Variants in CTNND2 observed in about 807,000 individuals in gnomAD.
CTNND2 encodes catenin delta 2.
Under a neutral mutation model 144.4 loss-of-function variants are expected in CTNND2, and 22 were observed. The observed-to-expected ratio is 0.15, with a 90% CI of 0.11 to 0.22. CTNND2 has a LOEUF of 0.22. CTNND2 is among the 10% of genes least tolerant of loss of function. The pLI, the probability that CTNND2 is intolerant of heterozygous loss-of-function variation, is 1.00. For missense variants in CTNND2, 1,353 were observed against 1,618.8 expected (o/e 0.84, Z 2.82); for synonymous variants, 751 against 695.6 (o/e 1.08, Z -1.25).
chr5:11,350,656 T>C (rs1755233963), intron 8 of CTNND2, among the ~76,000 whole-genome samples: 1 of 152,122 alleles, frequency 6.6e-6, no homozygotes, highest in Non-Finnish European at 1.5e-5. Context: ...GGTGCTGTTA[T>C]AGTAAAATAA....
chr5:11,655,483 G>A (rs780584934), intron 2 of CTNND2, among the ~76,000 whole-genome samples: 16 of 151,946 alleles, frequency 1.1e-4, no homozygotes, highest in South Asian at 4.1e-4. Flanking sequence ...ATTGGCATTC[G>A]TAAAGTAAAA....
intron 3 of CTNND2, among the ~76,000 whole-genome samples, chr5:11,559,746 T>G (rs543991780): frequency 5.6e-4 from 85 of 152,314 alleles, no homozygotes; most frequent in African/African-American, 2.0e-3. Flanking sequence ...ATCTTTCTCC[T>G]TCAGTGGGGG....
intron 3 of CTNND2, among the ~76,000 whole-genome samples, chr5:11,479,799 C>T (rs1581289538): frequency 6.6e-6 from 1 of 150,914 alleles, no homozygotes; most frequent in South Asian, 2.1e-4. Flanking sequence ...GTATGTATGT[C>T]TTCTTTTGAA....
intron 9 of CTNND2, among the ~76,000 whole-genome samples, chr5:11,320,794 A>G (rs1440600721): frequency 6.6e-6 from 1 of 152,208 alleles, no homozygotes; most frequent in Admixed American, 6.5e-5. Context: ...TATGTGAGCT[A>G]TAAGATGAGA....
At chr5:11,021,834 A>C (rs778257176) in intron 17 of CTNND2, among the ~76,000 whole-genome samples, 21 of 152,112 alleles carry the variant, frequency 1.4e-4, no homozygotes, top group Admixed American at 5.2e-4. Flanking sequence ...GTGGCTTGGC[A>C]GGGAATGAAA....
intron 2 of CTNND2, among the ~76,000 whole-genome samples, chr5:11,595,341 A>G (rs1400764641): frequency 1.3e-5 from 2 of 152,230 alleles, no homozygotes; most frequent in South Asian, 2.1e-4. Flanking sequence ...AGACAGACTC[A>G]AAAATAGAAC....
intron 18 of CTNND2, among the ~76,000 whole-genome samples, chr5:11,016,898 G>A (rs1561176033): frequency 6.6e-6 from 1 of 151,932 alleles, no homozygotes; most frequent in Non-Finnish European, 1.5e-5. Flanking sequence ...AGCCTCCTGA[G>A]TAGCTGGGAT....
chr5:11,710,463 C>T (rs966663260), intron 2 of CTNND2, among the ~76,000 whole-genome samples: 1 of 151,534 alleles, frequency 6.6e-6, no homozygotes, highest in African/African-American at 2.4e-5. Flanking sequence ...TTGCTTGAAA[C>T]CAGGAGGTGG....
intron 1 of CTNND2, among the ~76,000 whole-genome samples, chr5:11,758,934 T>C (rs1274105377): frequency 6.6e-6 from 1 of 152,014 alleles, no homozygotes; most frequent in Non-Finnish European, 1.5e-5. Flanking sequence ...AAATTATTCC[T>C]GAATAAAATG....
rs201567294 is a variant in CTNND2, at chr5:11,476,038, T to TC, written c.288-63970_288-63969insG. On this transcript the variant is annotated intron_variant, in intron 3 of 21. Transcript: ENST00000304623. ...CCATGCCCGGCTAATTTTTCTATTT[T>TC]TTTTTTTTTTTTTGTAGAGATGGGA... Among the ~76,000 whole-genome samples, 173 of 149,578 alleles carry TC rather than the reference T, an allele frequency of 1.2e-3. 1 individual carries two copies. The highest frequency in any genetic ancestry group is 3.7e-3 in the Admixed American group (55 of 14,984).
intron 1 of CTNND2, among the ~76,000 whole-genome samples, chr5:11,763,132 AG>A (rs1233779147): frequency 6.6e-6 from 1 of 152,124 alleles, no homozygotes. Flanking sequence ...GGCCATGTGA[AG>A]ATGGTACATG....
chr5:11,159,326 G>A (rs1489221155), intron 12 of CTNND2, among the ~76,000 whole-genome samples: 1 of 152,132 alleles, frequency 6.6e-6, no homozygotes, highest in Admixed American at 6.5e-5. Flanking sequence ...AAAAATGTTT[G>A]TTTTTCACCT....
At chr5:10,987,029 A>G (rs967586011) in intron 20 of CTNND2, among the ~76,000 whole-genome samples, 2 of 152,000 alleles carry the variant, frequency 1.3e-5, no homozygotes, top group African/African-American at 2.4e-5. Context: ...AGCTTTATGA[A>G]TGCTCTAACA....
rs112619342 is a variant in CTNND2 at position 11,882,901 on chromosome 5, T to C, written c.37+20916A>G. Among the ~76,000 whole-genome samples the C allele has an allele frequency of 4.8e-3, 728 of 152,290 alleles. 2 individuals carry two copies. Among genetic ancestry groups the C allele is most frequent in the African/African-American group, 0.017 (701 of 41,556 alleles). ...GAATCTATAGATTTCTTTAGTAGTATGGACATATTAATTTTAACATATTAA... is the reference window on the plus strand; with the variant it reads ...GAATCTATAGATTTCTTTAGTAGTACGGACATATTAATTTTAACATATTAA... On this transcript the variant is annotated intron_variant, in intron 1 of 21. Transcript: ENST00000304623.
At chr5:11,797,905 T>A (rs562456247) in intron 1 of CTNND2, among the ~76,000 whole-genome samples, 8 of 152,320 alleles carry the variant, frequency 5.3e-5, no homozygotes, top group Middle Eastern at 3.4e-3. Context: ...ATAACTGTTT[T>A]AAATGACTTT....
intron 1 of CTNND2, among the ~76,000 whole-genome samples, chr5:11,770,399 A>C (rs1789849980): frequency 6.9e-6 from 1 of 145,934 alleles, no homozygotes; most frequent in Non-Finnish European, 1.5e-5. Flanking sequence ...GTGGTATTAA[A>C]ACAGAAAAAA....
chr5:11,362,511 G>T (rs905765687), intron 8 of CTNND2, among the ~76,000 whole-genome samples: 3 of 152,130 alleles, frequency 2.0e-5, no homozygotes, highest in Admixed American at 6.5e-5. Context: ...CTGGAGAGAG[G>T]TAGTTTCTCC....
chr5:11,456,828 C>T (rs1214650837), intron 3 of CTNND2, among the ~76,000 whole-genome samples: 2 of 152,114 alleles, frequency 1.3e-5, no homozygotes, highest in Admixed American at 6.6e-5. Context: ...TATTTTTCTA[C>T]ATAAAGTGGC....
intron 2 of CTNND2, among the ~76,000 whole-genome samples, chr5:11,679,610 T>TGCAAATGAA (rs1169725757): frequency 6.6e-6 from 1 of 152,210 alleles, no homozygotes; most frequent in Non-Finnish European, 1.5e-5. Flanking sequence ...CTTCATTGGC[T>TGCAAATGAA]GCAATCAAGT....
Sources: allele counts gnomAD v4.1 joint callset (sites outside exome capture counted in the v4.1 genomes callset), GRCh38; gene constraint gnomAD v4.1.1; transcripts MANE v1.5; gene names NCBI Gene and HGNC (gene_info 2026-07-23, HGNC 2026-07-21).